Variants in CALD1 observed in about 807,000 individuals in gnomAD.
CALD1 encodes the protein caldesmon.
Under a neutral mutation model 99.9 loss-of-function variants are expected in CALD1, and 33 were observed. The observed-to-expected ratio is 0.33, with a 90% CI of 0.25 to 0.44. The LOEUF is 0.44. Among genes scored for constraint, CALD1 ranks in the 20% least tolerant of loss-of-function variants. CALD1 has a pLI of 1.00. For missense variants in CALD1, 861 were observed against 962.1 expected, an observed-to-expected ratio of 0.89 and a Z score of 1.39; for synonymous variants, 310 against 325.0, an observed-to-expected ratio of 0.95 and a Z score of 0.50.
At chr7:134,798,031 T>G (rs1797812162) in intron 1 of CALD1, among the ~76,000 whole-genome samples, 1 of 152,230 alleles carries the variant, frequency 6.6e-6, no homozygotes, top group Non-Finnish European at 1.5e-5. Context: ...AAGGCACATT[T>G]GTCACAAATA....
At chr7:134,834,471 G>T (rs1411804443) in intron 1 of CALD1, among the ~76,000 whole-genome samples, 1 of 152,212 alleles carries the variant, frequency 6.6e-6, no homozygotes, top group Non-Finnish European at 1.5e-5. Flanking sequence ...AGGCAGAATG[G>T]TGTTCTACAA....
At chr7:134,832,939 T>A (rs369417131) in intron 1 of CALD1, among the ~76,000 whole-genome samples, 1 of 152,212 alleles carries the variant, frequency 6.6e-6, no homozygotes, top group Non-Finnish European at 1.5e-5. Context: ...CACAATCACA[T>A]CTTTATGTGC....
chr7:134,711,689 T>C, the CALD1 span, among the ~76,000 whole-genome samples: 25 of 56,002 alleles, frequency 4.5e-4, no homozygotes, highest in South Asian at 0.017. Flanking sequence ...TATGTGTGTG[T>C]GTGTGTGTGT....
chr7:134,898,728 G>A (rs557142086), intron 3 of CALD1, among the ~76,000 whole-genome samples: 1 of 151,808 alleles, frequency 6.6e-6, no homozygotes, highest in Non-Finnish European at 1.5e-5. Context: ...CGTGATTTTT[G>A]TATTTTTGTA....
intron 1 of CALD1, among the ~76,000 whole-genome samples, chr7:134,796,658 T>C (rs1797755414): frequency 6.6e-6 from 1 of 152,154 alleles, no homozygotes; most frequent in Non-Finnish European, 1.5e-5. Context: ...CAATCATAGC[T>C]CACTGCAACC....
Position 134,947,433 on chromosome 7 carries a change from G to A in CALD1, c.1533-75G>A, listed in dbSNP as rs929895459. The A allele has an allele frequency of 6.2e-6, 9 of 1,445,156 alleles. No homozygotes were observed. In the Middle Eastern group the frequency reaches 7.4e-4, roughly 120 times the overall value. The allele number at this position is 1,445,156 out of a possible 1,614,324, so 89.5% of individuals were successfully genotyped here. On this transcript the variant is annotated intron_variant, in intron 7 of 14. Transcript: ENST00000361675. ...TTTAGTCGGGGATGCAGAAGCCGCA[G>A]ACCGACCTCCCCTTCCTCCAGGGAG...
At chr7:134,719,705 C>T in the CALD1 span, among the ~76,000 whole-genome samples, 1 of 152,116 alleles carries the variant, frequency 6.6e-6, no homozygotes, top group Non-Finnish European at 1.5e-5. Flanking sequence ...TGGACGTCAA[C>T]GGCCTTGTGT....
At chr7:134,746,986 G>A (rs1254118581) in intron 1 of CALD1, among the ~76,000 whole-genome samples, 1 of 152,048 alleles carries the variant, frequency 6.6e-6, no homozygotes. Flanking sequence ...ATTTAAAGAT[G>A]GAATTGTTAA....
intron 8 of CALD1, among the ~76,000 whole-genome samples, chr7:134,948,483 A>G (rs1807086338): frequency 6.6e-6 from 1 of 152,200 alleles, no homozygotes; most frequent in South Asian, 2.1e-4. Flanking sequence ...TACAGTTTAC[A>G]AAGTGCATTC....
intron 3 of CALD1, among the ~76,000 whole-genome samples, chr7:134,888,865 C>T (rs945586500): frequency 2.6e-5 from 4 of 152,206 alleles, no homozygotes; most frequent in African/African-American, 7.2e-5. Flanking sequence ...TGGTGGACAT[C>T]CTGTGTACAG....
At chr7:134,742,422 T>C (rs532818731), upstream of CALD1, among the ~76,000 whole-genome samples, 3 of 152,324 alleles carry the variant, frequency 2.0e-5, no homozygotes, top group East Asian at 5.8e-4. Flanking sequence ...ACACCTTCCC[T>C]CTGTGGGATC....
rs1039641923 is a variant in CALD1 at position 134,854,188 on chromosome 7, T to C, written c.-42+10217T>C. On this transcript the variant is annotated intron_variant, in intron 2 of 14. Transcript: ENST00000361675. ...CAATAAACATACGTGTGCATGTGTC[T>C]TTATAGTAGAATGATTTATAATCCT... Among the ~76,000 whole-genome samples, 2 of 152,218 alleles carry C rather than the reference T, an allele frequency of 1.3e-5. 1 individual carries two copies. The highest frequency in any genetic ancestry group is 4.1e-4 in the South Asian group (2 of 4,824).
chr7:134,796,434 G>C (rs1797747325), intron 1 of CALD1, among the ~76,000 whole-genome samples: 1 of 152,134 alleles, frequency 6.6e-6, no homozygotes, highest in African/African-American at 2.4e-5. Context: ...GGTTTTGGGG[G>C]AAGATAGAAA....
At chr7:134,804,240 TATG>T (rs1281978100) in intron 1 of CALD1, among the ~76,000 whole-genome samples, 1 of 152,244 alleles carries the variant, frequency 6.6e-6, no homozygotes, top group Non-Finnish European at 1.5e-5. Flanking sequence ...CATAGTATAC[TATG>T]ATTACATTTT....
At chr7:134,894,736 A>G (rs994852880) in intron 3 of CALD1, among the ~76,000 whole-genome samples, 3 of 152,168 alleles carry the variant, frequency 2.0e-5, no homozygotes, top group Non-Finnish European at 4.4e-5. Context: ...AGTTATTTAG[A>G]TTTCAAGGCA....
chr7:134,771,805 G>A (rs1430486860), intron 1 of CALD1, among the ~76,000 whole-genome samples: 1 of 152,088 alleles, frequency 6.6e-6, no homozygotes, highest in Non-Finnish European at 1.5e-5. Context: ...CCTTCTGGAA[G>A]GCTTTTCCTT....
At chr7:134,905,454 G>T (rs1267502503) in intron 3 of CALD1, among the ~76,000 whole-genome samples, 1 of 152,048 alleles carries the variant, frequency 6.6e-6, no homozygotes, top group African/African-American at 2.4e-5. Flanking sequence ...CTTCCTCCCT[G>T]CTTGGACGTG....
the CALD1 span, among the ~76,000 whole-genome samples, chr7:134,715,683 C>T: frequency 3.9e-5 from 6 of 152,042 alleles, no homozygotes; most frequent in African/African-American, 9.7e-5. Flanking sequence ...TATTTATTTT[C>T]CTCTGCCCCA....
intron 13 of CALD1, among the ~76,000 whole-genome samples, chr7:134,964,359 G>A (rs542059819): frequency 2.6e-5 from 4 of 152,280 alleles, no homozygotes; most frequent in African/African-American, 2.4e-5. Context: ...TATTAAGCAA[G>A]TCCCCACATG....
Sources: gnomAD v4.1 joint callset for allele counts (sites outside exome capture counted in the v4.1 genomes callset) on GRCh38, gnomAD v4.1.1 for gene constraint, MANE v1.5 for transcripts, NCBI Gene and HGNC (gene_info 2026-07-23, HGNC 2026-07-21) for gene names.